The following KCNMA1 variants were observed in gnomAD, a reference collection of about 807,000 sequenced individuals.
KCNMA1 encodes the protein Calcium-activated potassium channel subunit alpha-1.
KCNMA1 carries 29 observed loss-of-function variants against 140.0 expected under a neutral mutation model. That is an observed-to-expected ratio of 0.21 (90% CI 0.15 to 0.28). The LOEUF is 0.28. Ranked by LOEUF, KCNMA1 falls within the 10% of genes least tolerant of loss-of-function variation. KCNMA1 has a pLI of 1.00. For synonymous variants in KCNMA1, 612 were observed against 611.9 expected (o/e 1.00, Z 0.00); for missense variants, 880 against 1,602.2 (o/e 0.55, Z 7.70).
At chr10:77,412,485 G>A (rs2154477550) in intron 1 of KCNMA1, among the ~76,000 whole-genome samples, 1 of 152,280 alleles carries the variant, frequency 6.6e-6, no homozygotes, top group Admixed American at 6.5e-5. Flanking sequence ...CAAAGGGTGG[G>A]GGCAGGGGGA....
chr10:77,520,158 G>GGGTATA (rs1567297892), intron 1 of KCNMA1, among the ~76,000 whole-genome samples: 67 of 8,188 alleles, frequency 8.2e-3, no homozygotes, highest in South Asian at 0.014. Context: ...GTGAGGTCTG[G>GGGTATA]CATATGCAGT....
At chr10:76,888,263 G>A (rs934167968) in intron 27 of KCNMA1, 1 of 152,494 alleles carries the variant, frequency 6.6e-6, no homozygotes, top group African/African-American at 2.4e-5. Context: ...AGCAATCTGT[G>A]GTTGAACAAG....
chr10:77,294,244 G>A (rs1360373389), intron 2 of KCNMA1, among the ~76,000 whole-genome samples: 1 of 152,234 alleles, frequency 6.6e-6, no homozygotes, highest in Non-Finnish European at 1.5e-5. Context: ...GCCCAGGTTT[G>A]CAGTGGCTCA....
At chr10:77,508,581 CTTT>C (rs761735012) in intron 1 of KCNMA1, among the ~76,000 whole-genome samples, 20 of 99,870 alleles carry the variant, frequency 2.0e-4, no homozygotes, top group Admixed American at 2.3e-4. Flanking sequence ...TTTTTCTTTT[CTTT>C]TTTTTTTTTT....
chr10:77,269,528 A>T (rs2064382735), intron 2 of KCNMA1, among the ~76,000 whole-genome samples: 1 of 152,132 alleles, frequency 6.6e-6, no homozygotes, highest in African/African-American at 2.4e-5. Context: ...GTCAGGTTAC[A>T]CCCCAGAGCA....
At chr10:77,483,306 CA>C (rs1387931710) in intron 1 of KCNMA1, among the ~76,000 whole-genome samples, 1 of 152,240 alleles carries the variant, frequency 6.6e-6, no homozygotes, top group Non-Finnish European at 1.5e-5. Flanking sequence ...GGACATCCGG[CA>C]GTTTTCTGGA....
intron 2 of KCNMA1, among the ~76,000 whole-genome samples, chr10:77,256,913 G>T (rs979276401): frequency 6.6e-6 from 1 of 152,080 alleles, no homozygotes; most frequent in Admixed American, 6.6e-5. Context: ...AGACCAGCCT[G>T]GGCAACATAG....
At chr10:77,090,628 C>T (rs925376968) in intron 9 of KCNMA1, 118 bp from the exon 10 acceptor site, 26 of 731,560 alleles carry the variant, frequency 3.6e-5, no homozygotes, top group South Asian at 7.3e-5. Context: ...CTCCTCCCTC[C>T]GCCTCCATAA....
chr10:76,882,796 A>G (rs1279152131), downstream of KCNMA1, among the ~76,000 whole-genome samples: 4 of 152,160 alleles, frequency 2.6e-5, no homozygotes, highest in African/African-American at 7.2e-5. Context: ...TGGGCATGCA[A>G]TCTTGCATGG....
chr10:76,881,468 T>C (rs927837111), downstream of KCNMA1, among the ~76,000 whole-genome samples: 2 of 152,218 alleles, frequency 1.3e-5, no homozygotes, highest in East Asian at 3.9e-4. Context: ...TATATCACAG[T>C]GGCTAACTTC....
intron 2 of KCNMA1, among the ~76,000 whole-genome samples, chr10:77,324,923 ACT>A (rs1467471810): frequency 7.0e-6 from 1 of 142,216 alleles, no homozygotes; most frequent in Non-Finnish European, 1.5e-5. Context: ...ACTTCTGGAC[ACT>A]CAGTATAGCT....
At chr10:77,466,466 G>A (rs1403726753) in intron 1 of KCNMA1, among the ~76,000 whole-genome samples, 1 of 152,132 alleles carries the variant, frequency 6.6e-6, no homozygotes, top group Non-Finnish European at 1.5e-5. Context: ...CATGAGCTCT[G>A]GAGTGCAATA....
chr10:77,504,234 C>G (rs1333749032), intron 1 of KCNMA1, among the ~76,000 whole-genome samples: 1 of 152,204 alleles, frequency 6.6e-6, no homozygotes, highest in Non-Finnish European at 1.5e-5. Context: ...ATGGCTTTAT[C>G]TCTTCTGGAA....
intron 10 of KCNMA1, 119 bp from the exon 11 acceptor site, chr10:77,086,712 C>G (rs772233372): frequency 4.5e-5 from 33 of 736,814 alleles, no homozygotes; most frequent in Non-Finnish European, 7.0e-5. Context: ...GACCTACAGT[C>G]ACCCTTTTGC....
At chr10:77,235,541 G>A (rs769987241) in intron 3 of KCNMA1, among the ~76,000 whole-genome samples, 6 of 152,192 alleles carry the variant, frequency 3.9e-5, no homozygotes, top group Non-Finnish European at 8.8e-5. Flanking sequence ...TCACCCACAT[G>A]GCAAGCATAC....
chr10:77,455,390 G>A (rs897217594), intron 1 of KCNMA1, among the ~76,000 whole-genome samples: 4 of 152,164 alleles, frequency 2.6e-5, no homozygotes, highest in Non-Finnish European at 4.4e-5. Context: ...GCCTGGTCAC[G>A]ATGATGAGTG....
chr10:77,042,623 C>T (rs530684237), intron 14 of KCNMA1, among the ~76,000 whole-genome samples: 1 of 152,168 alleles, frequency 6.6e-6, no homozygotes, highest in East Asian at 1.9e-4. Context: ...AAATACAAAC[C>T]TTTATTATTG....
At chr10:76,898,480 G>C (rs7910544) in intron 25 of KCNMA1, among the ~76,000 whole-genome samples, 12,048 of 151,390 alleles carry the variant, frequency 0.08, 582 homozygotes, top group South Asian at 0.15. Context: ...GGTTGATTTA[G>C]TGTATTTTTA....
chr10:77,593,086 G>A (rs1169579381), intron 1 of KCNMA1, among the ~76,000 whole-genome samples: 4 of 152,110 alleles, frequency 2.6e-5, no homozygotes, highest in Admixed American at 1.3e-4. Context: ...GTCCACATGC[G>A]CCCAGAACCT....
Sources: gnomAD v4.1 joint callset for allele counts (sites outside exome capture counted in the v4.1 genomes callset) on GRCh38, gnomAD v4.1.1 for gene constraint, MANE v1.5 for transcripts, NCBI Gene and HGNC (gene_info 2026-07-23, HGNC 2026-07-21) for gene names.